Variants in MINK1 observed in about 807,000 individuals in gnomAD.
MINK1 encodes misshapen-like kinase 1.
A neutral mutation model predicts 178.4 loss-of-function variants in MINK1; 46 were observed. The observed-to-expected ratio is 0.26, with a 90% confidence interval of 0.20 to 0.33. The LOEUF is 0.33. MINK1 is among the 10% of genes least tolerant of loss of function. MINK1 has a pLI of 1.00. For missense variants in MINK1, 1,366 were observed against 1,814.9 expected (o/e 0.75, Z 4.49); for synonymous variants, 797 against 709.7 (o/e 1.12, Z -1.96).
At chr17:4,848,099 A>G (rs1006546967) in intron 1 of MINK1, among the ~76,000 whole-genome samples, 15 of 152,120 alleles carry the variant, frequency 9.9e-5, no homozygotes, top group Non-Finnish European at 1.2e-4. Flanking sequence ...TTGATTTGAA[A>G]TATGACCTTC....
rs1968845472 is a variant in MINK1, at chr17:4,891,784, G to A, written c.2001+68G>A. 1.4e-5 allele frequency: 21 copies of A among 1,506,572 alleles called. 1 individual carries two copies. The East Asian group carries it at 4.5e-4, about 33-fold the overall frequency. The allele number at this position is 1,506,572 out of a possible 1,614,324, so 93.3% of individuals were successfully genotyped here. A position where few individuals can be genotyped will look rare whatever the true frequency, so the allele number is the denominator to read the frequency against. On this transcript the variant is annotated intron_variant, in intron 16 of 31. Coordinates refer to ENST00000355280, the MANE Select transcript of MINK1 (RefSeq NM_153827.5). ...TCATGAAGAGAAGGAGGGCAGTGAA[G>A]GGGCAGGCCACATGGAGGAAGAGTG...
chr17:4,836,754 C>G lies in MINK1; in HGVS notation c.57+3114C>G, dbSNP rs970952361. Among the ~76,000 whole-genome samples, 3 of 152,286 alleles carry G rather than the reference C, an allele frequency of 2.0e-5. No individual in the cohort carries two copies. Among genetic ancestry groups the G allele is most frequent in the South Asian group, 4.1e-4 (2 of 4,826 alleles). On this transcript the variant is annotated intron_variant, in intron 1 of 31. Transcript: ENST00000355280. The surrounding 1 kb of genome is among the most constrained non-coding windows in gnomAD (Gnocchi z 4.3). ...GAGAAGCCTTCCAGGACAACTTTATCTAAAATAGCACTCCCTCCTCTGCTT... is the reference window on the plus strand; with the variant it reads ...GAGAAGCCTTCCAGGACAACTTTATGTAAAATAGCACTCCCTCCTCTGCTT...
At chr17:4,890,886 G>A (rs1968718263) in intron 14 of MINK1, 65 bp from the exon 15 acceptor site, 3 of 1,545,820 alleles carry the variant, frequency 1.9e-6, no homozygotes, top group African/African-American at 1.4e-5. Context: ...TAGGGCAGGT[G>A]GGACCCTCAG....
At chr17:4,849,242 C>T (rs540911086) in intron 1 of MINK1, among the ~76,000 whole-genome samples, 1 of 152,120 alleles carries the variant, frequency 6.6e-6, no homozygotes, top group South Asian at 2.1e-4. Context: ...TCAGGAATTC[C>T]GGCAATCACT....
Position 4,889,638 on chromosome 17 carries a change from T to C in MINK1, c.1231-9T>C. 2 of 1,571,902 alleles carry C rather than the reference T, an allele frequency of 1.3e-6. No homozygotes were observed. Among genetic ancestry groups the C allele is most frequent in the Non-Finnish European group, 8.6e-7 (1 of 1,159,782 alleles). ...TATGGTTCTTAAGACCACCTGGCTC[T>C]CCCCACAGCAACAGCGGCGGGAGCG... On this transcript the variant is annotated splice_polypyrimidine_tract_variant and intron_variant, in intron 12 of 31. Transcript: ENST00000355280.
At chr17:4,890,004 A>C (rs1597553935) in intron 13 of MINK1, 52 of 401,106 alleles carry the variant, frequency 1.3e-4, no homozygotes, top group African/African-American at 2.7e-4. Flanking sequence ...CCCCTTCCTC[A>C]TCCCCCCTCA....
At chr17:4,888,720 T>A (rs1341384858) in intron 12 of MINK1, among the ~76,000 whole-genome samples, 1 of 138,930 alleles carries the variant, frequency 7.2e-6, no homozygotes, top group African/African-American at 2.7e-5. Flanking sequence ...TGAGATGGAG[T>A]TTTGCTCTTG....
rs1344941547 is a variant in MINK1 at position 4,894,929 on chromosome 17, C to T, written c.2918-146C>T. On this transcript the variant is annotated intron_variant, in intron 24 of 31. Coordinates refer to ENST00000355280, the MANE Select transcript of MINK1 (RefSeq NM_153827.5). This position sits in a 1 kb window ranked among gnomAD's most constrained non-coding sequence, Gnocchi z 4.1. Reference sequence around the variant, plus strand: ...GACTCCAAGTCCAGCACTCTATCCCCCTCTCCCATGCACCTCCTCTCCTCC... The same window carrying T: ...GACTCCAAGTCCAGCACTCTATCCCTCTCTCCCATGCACCTCCTCTCCTCC... 1 of 874,858 alleles carries T rather than the reference C, an allele frequency of 1.1e-6. No individual in the cohort carries two copies. Among genetic ancestry groups the T allele is most frequent in the Non-Finnish European group, 1.7e-6 (1 of 575,498 alleles). 54.2% of individuals were successfully genotyped at this position (874,858 alleles called of 1,614,324 possible).
At chr17:4,844,468 G>T in intron 1 of MINK1, 1 of 458,064 alleles carries the variant, frequency 2.2e-6, no homozygotes, top group Non-Finnish European at 4.4e-6. Context: ...ATGAGAGATA[G>T]TTACTGCCCT....
At chr17:4,873,570 C>T (rs1280735898) in intron 1 of MINK1, among the ~76,000 whole-genome samples, 2 of 151,988 alleles carry the variant, frequency 1.3e-5, no homozygotes, top group Middle Eastern at 3.4e-3. Flanking sequence ...CAAACCCAGC[C>T]TGCTCTCCCA....
intron 1 of MINK1, among the ~76,000 whole-genome samples, chr17:4,845,986 G>C (rs1216313083): frequency 6.6e-6 from 1 of 152,186 alleles, no homozygotes; most frequent in African/African-American, 2.4e-5. Flanking sequence ...GGCCTCCCTG[G>C]CCTCCTCACT....
At chr17:4,860,999 C>T (rs529560196) in intron 1 of MINK1, among the ~76,000 whole-genome samples, 6 of 152,360 alleles carry the variant, frequency 3.9e-5, no homozygotes, top group African/African-American at 1.4e-4. Flanking sequence ...CTTTGTGCCT[C>T]TTCTCTCCCT....
rs1909393753 is a variant in MINK1 at position 4,836,963 on chromosome 17, AG to A, written c.57+3324del. 6.6e-6 allele frequency among the ~76,000 whole-genome samples: 1 copy of A among 151,906 alleles called. No individual in the cohort carries two copies. ...GAGGCCGAGGCAGATGGATCACCTG[AG>A]AGGTCAGAAGTTCGAGACCAGCCTG... On this transcript the variant is annotated intron_variant, in intron 1 of 31. Coordinates refer to ENST00000355280, the MANE Select transcript of MINK1 (RefSeq NM_153827.5). This position sits in a 1 kb window ranked among gnomAD's most constrained non-coding sequence, Gnocchi z 4.3.
intron 1 of MINK1, among the ~76,000 whole-genome samples, chr17:4,863,473 G>A (rs1237905374): frequency 6.6e-6 from 1 of 152,144 alleles, no homozygotes; most frequent in Admixed American, 6.6e-5. Flanking sequence ...CCTGGGGTCA[G>A]GAACTCATGT....
intron 1 of MINK1, among the ~76,000 whole-genome samples, chr17:4,858,889 G>A (rs1913632219): frequency 6.6e-6 from 1 of 152,156 alleles, no homozygotes; most frequent in African/African-American, 2.4e-5. Flanking sequence ...GAAAGGAGGG[G>A]TCTCTCCCAG....
In MINK1 at chr17:4,833,651, C is replaced by A; in HGVS notation, c.57+11C>A. 1 of 1,489,408 alleles carries A rather than the reference C, an allele frequency of 6.7e-7. No individual in the cohort carries two copies. Among genetic ancestry groups the A allele is most frequent in the Middle Eastern group, 2.3e-4 (1 of 4,332 alleles). 92.3% of individuals were successfully genotyped at this position (1,489,408 alleles called of 1,614,324 possible). A position where few individuals can be genotyped will look rare whatever the true frequency, so the allele number is the denominator to read the frequency against. On this transcript the variant is annotated intron_variant, in intron 1 of 31. Coordinates refer to ENST00000355280, the MANE Select transcript of MINK1 (RefSeq NM_153827.5). The surrounding 1 kb of genome is among the most constrained non-coding windows in gnomAD (Gnocchi z 4.8). ...CTGTCCGCCCTGCGGGTGAGCGCGCCGTCCCCCAGCCTCGCCCTGGTTCCT... is the reference window on the plus strand; with the variant it reads ...CTGTCCGCCCTGCGGGTGAGCGCGCAGTCCCCCAGCCTCGCCCTGGTTCCT...
intron 1 of MINK1, among the ~76,000 whole-genome samples, chr17:4,873,914 C>G (rs535468370): frequency 2.6e-5 from 4 of 152,028 alleles, no homozygotes; most frequent in Non-Finnish European, 4.4e-5. Flanking sequence ...GCCATCACGC[C>G]CAACCCTAAG....
rs988593937 is a variant in MINK1, at chr17:4,887,943, G to A, written c.1230+153G>A. ...TGATTTCAAATTTCATGATGAGCTG[G>A]ACTTAACACAAAATGTAATCCCATC... On this transcript the variant is annotated intron_variant, in intron 12 of 31. Transcript: ENST00000355280. The surrounding 1 kb of genome is among the most constrained non-coding windows in gnomAD (Gnocchi z 7.6). 6.6e-6 allele frequency among the ~76,000 whole-genome samples: 1 copy of A among 152,200 alleles called. No individual in the cohort carries two copies. Among genetic ancestry groups the A allele is most frequent in the African/African-American group, 2.4e-5 (1 of 41,438 alleles).
At position 4,891,633 on chromosome 17, in the gene MINK1, A is replaced by C; in HGVS notation, c.1918A>C (p.Asn640His). 1 of 1,602,420 alleles carries C rather than the reference A, an allele frequency of 6.2e-7. No individual in the cohort carries two copies. Among genetic ancestry groups the C allele is most frequent in the South Asian group, 1.1e-5 (1 of 89,008 alleles). Residue 640 changes from asparagine to histidine, a missense_variant, in exon 16 of 32, where the codon AAT (asparagine) becomes CAT (histidine). Coordinates refer to ENST00000355280, the MANE Select transcript of MINK1 (RefSeq NM_153827.5). Reference sequence around the variant, plus strand: ...TGCCCGAGGAGCTGTCATCCGCCAGAATTCAGACCCCACCTCTGAAGGACC... The same window carrying C: ...TGCCCGAGGAGCTGTCATCCGCCAGCATTCAGACCCCACCTCTGAAGGACC... ...PSARGAVIRQ[N>H]SDPTSEGPGP...
Sources: allele counts gnomAD v4.1 joint callset (sites outside exome capture counted in the v4.1 genomes callset), GRCh38; gene constraint gnomAD v4.1.1; non-coding constraint Gnocchi (gnomAD v3.1); transcripts MANE v1.5; gene names NCBI Gene and HGNC (gene_info 2026-07-23, HGNC 2026-07-21).